The following GABRB3 variants were observed in gnomAD, a reference collection of about 807,000 sequenced individuals.
GABRB3 encodes gamma-aminobutyric acid type A receptor subunit beta3, also known as gamma-aminobutyric acid receptor subunit beta-3.
Under a neutral mutation model 52.1 loss-of-function variants are expected in GABRB3, and 14 were observed. The observed-to-expected ratio is 0.27, with a 90% CI of 0.18 to 0.42. The LOEUF (loss-of-function observed/expected upper bound fraction) is 0.42, where lower values mean the gene tolerates loss of function less well. Ranked by LOEUF, GABRB3 falls within the 10% of genes least tolerant of loss-of-function variation. GABRB3 has a pLI of 1.00. For synonymous variants in GABRB3, 260 were observed against 232.3 expected, an observed-to-expected ratio of 1.12 and a Z score of -1.08; for missense variants, 307 against 609.1, an observed-to-expected ratio of 0.50 and a Z score of 5.22.
At chr15:26,625,506 T>TC (rs1246250485) in intron 3 of GABRB3, 47 of 984,562 alleles carry the variant, frequency 4.8e-5, no homozygotes, top group Non-Finnish European at 5.5e-5. Flanking sequence ...GGATGGAGAG[T>TC]CTGTCAGAGT....
chr15:26,758,749 A>G (rs1180993838), intron 3 of GABRB3, among the ~76,000 whole-genome samples: 1 of 152,108 alleles, frequency 6.6e-6, no homozygotes, highest in Non-Finnish European at 1.5e-5. Context: ...TGAAAGAAGC[A>G]GCCATACTTC....
chr15:26,745,312 GA>G (rs1215393877), intron 3 of GABRB3, among the ~76,000 whole-genome samples: 1 of 152,130 alleles, frequency 6.6e-6, no homozygotes, highest in Non-Finnish European at 1.5e-5. Flanking sequence ...AATTTTGAAA[GA>G]AAAATAAATT....
intron 3 of GABRB3, among the ~76,000 whole-genome samples, chr15:26,670,397 C>T (rs1887858083): frequency 6.6e-6 from 1 of 152,146 alleles, no homozygotes; most frequent in African/African-American, 2.4e-5. Context: ...AGGTGCAGGT[C>T]TGACGACAGC....
chr15:26,649,810 A>C (rs912065120), intron 3 of GABRB3, among the ~76,000 whole-genome samples: 3 of 152,084 alleles, frequency 2.0e-5, no homozygotes, highest in African/African-American at 7.3e-5. Flanking sequence ...TAAAATATGG[A>C]AATATGGAAT....
chr15:26,756,903 C>G (rs1407241059), intron 3 of GABRB3, among the ~76,000 whole-genome samples: 1 of 152,160 alleles, frequency 6.6e-6, no homozygotes, highest in Non-Finnish European at 1.5e-5. Flanking sequence ...GCACCAGCTC[C>G]TTGCAGGTTG....
intron 3 of GABRB3, among the ~76,000 whole-genome samples, chr15:26,743,969 T>G (rs1428860530): frequency 1.3e-5 from 2 of 152,144 alleles, no homozygotes; most frequent in African/African-American, 4.8e-5. Context: ...ATGCATTTAC[T>G]GATGGGGAAG....
intron 3 of GABRB3, among the ~76,000 whole-genome samples, chr15:26,733,792 T>C (rs188275187): frequency 2.4e-4 from 36 of 151,946 alleles, no homozygotes; most frequent in African/African-American, 7.7e-4. Context: ...ATCAGACCAG[T>C]GGAATAGAAT....
At chr15:26,712,142 GAGA>G (rs1309766253) in intron 3 of GABRB3, among the ~76,000 whole-genome samples, 1 of 151,654 alleles carries the variant, frequency 6.6e-6, no homozygotes, top group Non-Finnish European at 1.5e-5. Flanking sequence ...GGATGTGAAG[GAGA>G]AGGAGAATGC....
intron 4 of GABRB3, among the ~76,000 whole-genome samples, chr15:26,611,488 A>T (rs1156739151): frequency 1.3e-5 from 2 of 152,186 alleles, no homozygotes; most frequent in African/African-American, 2.4e-5. Context: ...ACGCCAAAGA[A>T]GATGTGTACT....
intron 3 of GABRB3, among the ~76,000 whole-genome samples, chr15:26,681,426 A>G (rs1206967465): frequency 2.0e-5 from 3 of 152,270 alleles, no homozygotes; most frequent in Non-Finnish European, 4.4e-5. Flanking sequence ...ACACCTGACC[A>G]TGAAGTGGTT....
intron 5 of GABRB3, 38 bp from the exon 6 acceptor site, chr15:26,580,494 A>G (rs935626810): frequency 4.3e-6 from 7 of 1,613,492 alleles, no homozygotes; most frequent in Non-Finnish European, 5.9e-6. Flanking sequence ...AAACATCACC[A>G]TTTCGTATAA....
rs141695647 is a variant in GABRB3, at chr15:26,599,277, C to G, written c.462-15863G>C. ...ATTCCAGAGATGGAAAGGGGCTAGA[C>G]CTTTCCATCAGCATCCAGCTCCTCC... On this transcript the variant is annotated intron_variant, in intron 4 of 8. Transcript: ENST00000311550. Among the ~76,000 whole-genome samples, 34 of 152,316 alleles carry G rather than the reference C, an allele frequency of 2.2e-4. No individual in the cohort carries two copies. The East Asian group carries it at 6.4e-3, about 29-fold the overall frequency.
At chr15:26,659,498 G>A (rs1887474316) in intron 3 of GABRB3, among the ~76,000 whole-genome samples, 1 of 152,144 alleles carries the variant, frequency 6.6e-6, no homozygotes, top group Non-Finnish European at 1.5e-5. Flanking sequence ...CTCCAGCCTA[G>A]GCGACAGAGA....
At chr15:26,731,401 A>T (rs1889910598) in intron 3 of GABRB3, among the ~76,000 whole-genome samples, 2 of 152,336 alleles carry the variant, frequency 1.3e-5, no homozygotes, top group South Asian at 4.1e-4. Flanking sequence ...CTTGAGTTGA[A>T]TAAAACCTTT....
intron 3 of GABRB3, among the ~76,000 whole-genome samples, chr15:26,623,981 A>G (rs1892584166): frequency 6.6e-6 from 1 of 152,216 alleles, no homozygotes; most frequent in African/African-American, 2.4e-5. Flanking sequence ...CTAAATAATA[A>G]TAAAACCTCC....
chr15:26,743,220 G>A (rs1020403899), intron 3 of GABRB3, among the ~76,000 whole-genome samples: 2 of 152,054 alleles, frequency 1.3e-5, no homozygotes, highest in Admixed American at 6.6e-5. Context: ...GAGCCACCGC[G>A]CCCAGCTGGA....
At chr15:26,708,096 T>TATA (rs1491118817) in intron 3 of GABRB3, among the ~76,000 whole-genome samples, 1 of 152,308 alleles carries the variant, frequency 6.6e-6, no homozygotes, top group East Asian at 1.9e-4. Context: ...ATACTCAGCC[T>TATA]ATAATACATG....
chr15:26,756,632 C>T (rs1407078532), intron 3 of GABRB3, among the ~76,000 whole-genome samples: 2 of 152,016 alleles, frequency 1.3e-5, no homozygotes, highest in African/African-American at 4.8e-5. Context: ...GTTCCTGCAC[C>T]TGACACAATG....
At chr15:26,585,430 C>T (rs1890943493) in intron 4 of GABRB3, among the ~76,000 whole-genome samples, 1 of 152,166 alleles carries the variant, frequency 6.6e-6, no homozygotes, top group Admixed American at 6.5e-5. Context: ...AATCCAAACA[C>T]CTGTAAAACA....
Sources: allele counts gnomAD v4.1 joint callset (sites outside exome capture counted in the v4.1 genomes callset), GRCh38; gene constraint gnomAD v4.1.1; transcripts MANE v1.5; gene names NCBI Gene and HGNC (gene_info 2026-07-23, HGNC 2026-07-21).